USP48: variants seen among roughly 807,000 people sequenced by gnomAD.
The protein encoded by USP48 is ubiquitin specific peptidase 48.
USP48 carries 43 observed loss-of-function variants against 150.7 expected under a neutral mutation model. The observed-to-expected ratio is 0.29, with a 90% CI of 0.22 to 0.37. The LOEUF (loss-of-function observed/expected upper bound fraction) is 0.37. Among genes scored for constraint, USP48 ranks in the 10% least tolerant of loss-of-function variants. The pLI is 1.00. For missense variants in USP48, 813 were observed against 1,249.6 expected (o/e 0.65, Z 5.27); for synonymous variants, 396 against 425.9 (o/e 0.93, Z 0.86).
chr1:21,762,964 TG>T (rs1288346032), intron 1 of USP48, among the ~76,000 whole-genome samples: 1 of 151,922 alleles, frequency 6.6e-6, no homozygotes, highest in Non-Finnish European at 1.5e-5. Flanking sequence ...ATAGTTCCAC[TG>T]GATCTGTTTA....
In USP48 at chr1:21,696,444, GAGA is replaced by G. The variant is rs960104292; in HGVS notation, c.2728-1226_2728-1224del. Among the ~76,000 whole-genome samples, 6 of 152,260 alleles carry G rather than the reference GAGA, an allele frequency of 3.9e-5. No individual in the cohort carries two copies. In the South Asian group the frequency reaches 1.0e-3, roughly 26 times the overall value. ...CAAGAGCGAAACTCTGTCTCAAAAA[GAGA>G]AGAAGAAGGGAAAGAAAGCGGGTGC... On this transcript the variant is annotated intron_variant, in intron 22 of 26. Transcript: ENST00000308271.
In USP48 at chr1:21,733,182, G is replaced by A. The variant is rs548249101; in HGVS notation, c.1171+3264C>T. On this transcript the variant is annotated intron_variant, in intron 9 of 26. Coordinates refer to ENST00000308271, the MANE Select transcript of USP48 (RefSeq NM_032236.8). ...TGTAATCCTAGCACTTTGGGAGGCC[G>A]AGGCAGGCGGATCACTTGAGGTCAG... Among the ~76,000 whole-genome samples, 141 of 152,152 alleles carry A rather than the reference G, an allele frequency of 9.3e-4. 1 individual carries two copies. The South Asian group carries it at 0.018, about 19-fold the overall frequency.
chr1:21,720,531 CTT>C (rs879555456), intron 14 of USP48, among the ~76,000 whole-genome samples: 3 of 140,522 alleles, frequency 2.1e-5, no homozygotes, highest in Non-Finnish European at 1.6e-5. Context: ...TTTTCTTTTT[CTT>C]TTTTTTTTTT....
chr1:21,773,856 G>A (rs1027090098), intron 1 of USP48, among the ~76,000 whole-genome samples: 18 of 152,084 alleles, frequency 1.2e-4, no homozygotes, highest in African/African-American at 3.9e-4. Context: ...TTATAATGAA[G>A]GTTAGGCACA....
chr1:21,760,614 T>C (rs2097847593), intron 1 of USP48, among the ~76,000 whole-genome samples: 1 of 151,942 alleles, frequency 6.6e-6, no homozygotes, highest in Non-Finnish European at 1.5e-5. Context: ...CCCAGGAGGC[T>C]GAGGCAGGAG....
rs1571644727 is a variant in USP48, at chr1:21,678,504, G to A, written c.*913C>T. 1.3e-5 allele frequency: 2 copies of A among 152,068 alleles called. No individual in the cohort carries two copies. The highest frequency in any genetic ancestry group is 1.3e-4 in the Admixed American group (2 of 15,268). 9.4% of individuals were successfully genotyped at this position (152,068 alleles called of 1,614,324 possible). ...TAATGCTTTCAAAAAGAGAACTGAG[G>A]TCCAAGAAACAGTGACATGGAGGAC... On this transcript the variant is annotated 3_prime_UTR_variant, in exon 27 of 27. Transcript: ENST00000308271.
At chr1:21,683,306 C>G (rs561207725) in intron 25 of USP48, among the ~76,000 whole-genome samples, 2 of 152,218 alleles carry the variant, frequency 1.3e-5, no homozygotes, top group East Asian at 1.9e-4. Flanking sequence ...TTATGGGGAA[C>G]AGCTTATATT....
intron 22 of USP48, among the ~76,000 whole-genome samples, chr1:21,696,386 C>T (rs534543783): frequency 7.2e-5 from 11 of 152,248 alleles, no homozygotes; most frequent in African/African-American, 1.2e-4. Flanking sequence ...TGCGGTGAGC[C>T]GAGATTGCGC....
chr1:21,753,051 G>A lies in USP48; in HGVS notation c.481C>T (p.Arg161Ter), dbSNP rs747372952. ...LFALLQNSNR[R>*]YIDPSGFVKA... ...ACAAATCCTGATGGATCAATGTATCGCCTATTACTGTTTTGCAACAAGGCA... is the reference window on the plus strand; with the variant it reads ...ACAAATCCTGATGGATCAATGTATCACCTATTACTGTTTTGCAACAAGGCA... The change falls in exon 4 of 27, where the codon CGA becomes TGA. Residue 161 changes from arginine to a stop codon, truncating the protein, a stop_gained. Coordinates refer to ENST00000308271, the MANE Select transcript of USP48 (RefSeq NM_032236.8). LOFTEE classifies it high-confidence loss of function. 2 of 1,612,808 alleles carry A rather than the reference G, an allele frequency of 1.2e-6. No homozygotes were observed. Among genetic ancestry groups the A allele is most frequent in the Non-Finnish European group, 1.7e-6 (2 of 1,179,706 alleles).
chr1:21,729,903 A>G, intron 9 of USP48, 71 bp from the exon 10 acceptor site: 1 of 1,596,882 alleles, frequency 6.3e-7, no homozygotes, highest in Non-Finnish European at 8.5e-7. Context: ...GCGGGGCTAT[A>G]GAAAACAATT....
intron 8 of USP48, among the ~76,000 whole-genome samples, chr1:21,738,455 C>A (rs2097773657): frequency 6.6e-6 from 1 of 150,808 alleles, no homozygotes; most frequent in Non-Finnish European, 1.5e-5. Context: ...CCCCTGGGGT[C>A]ATGCGATTCT....
Position 21,679,260 on chromosome 1 carries a change from TA to T in USP48, c.*156del. ...TCAGTGCAATCTGCTTTATTTGACA[TA>T]AGGCATTTGGGACAGTCACGTTTGA... On this transcript the variant is annotated 3_prime_UTR_variant, in exon 27 of 27. Coordinates refer to ENST00000308271, the MANE Select transcript of USP48 (RefSeq NM_032236.8). 1 of 679,590 alleles carries T rather than the reference TA, an allele frequency of 1.5e-6. No homozygotes were observed. Among genetic ancestry groups the T allele is most frequent in the Non-Finnish European group, 2.4e-6 (1 of 411,308 alleles). 42.1% of individuals were successfully genotyped at this position (679,590 alleles called of 1,614,324 possible). A position where few individuals can be genotyped will look rare whatever the true frequency, so the allele number is the denominator to read the frequency against.
chr1:21,732,822 A>G (rs1482685867), intron 9 of USP48: 1 of 157,870 alleles, frequency 6.3e-6, no homozygotes, highest in East Asian at 1.9e-4. Context: ...TATTTAATAT[A>G]ATCTGGACAT....
chr1:21,706,010 T>G, intron 18 of USP48, 116 bp downstream of exon 18: 1 of 1,216,958 alleles, frequency 8.2e-7, no homozygotes, highest in East Asian at 2.4e-5. Flanking sequence ...CAGTGTATGC[T>G]GGTGAAAGTA....
chr1:21,695,249 G>A (rs748158470), intron 22 of USP48, 28 bp from the exon 23 acceptor site: 4 of 1,570,802 alleles, frequency 2.5e-6, no homozygotes, highest in Non-Finnish European at 3.4e-6. Flanking sequence ...AATGAAGAAA[G>A]CACTGAAATT....
chr1:21,717,184 ACATGAGC>A (rs2152537773), intron 14 of USP48, among the ~76,000 whole-genome samples: 1 of 152,234 alleles, frequency 6.6e-6, no homozygotes, highest in East Asian at 1.9e-4. Flanking sequence ...CAGGCAGATC[ACATGAGC>A]CCAGGAGTTC....
At chr1:21,687,842 T>G (rs774214439) in intron 24 of USP48, among the ~76,000 whole-genome samples, 1 of 152,160 alleles carries the variant, frequency 6.6e-6, no homozygotes, top group Admixed American at 6.5e-5. Flanking sequence ...GACAGGATCA[T>G]TAGGATCTAG....
intron 1 of USP48, among the ~76,000 whole-genome samples, chr1:21,772,237 C>T (rs2097882920): frequency 6.6e-6 from 1 of 151,908 alleles, no homozygotes; most frequent in Non-Finnish European, 1.5e-5. Context: ...TAAATTTTAC[C>T]ACATAAAAAA....
In USP48 at chr1:21,679,288, T is replaced by C. The variant is rs774137482; in HGVS notation, c.*129A>G. ...GGCATTTGGGACAGTCACGTTTGAA[T>C]GGATTTCTGCCTTTTGGAAGGGGCA... On this transcript the variant is annotated 3_prime_UTR_variant, in exon 27 of 27. Coordinates refer to ENST00000308271, the MANE Select transcript of USP48 (RefSeq NM_032236.8). 5.2e-6 allele frequency: 6 copies of C among 1,151,068 alleles called. No homozygotes were observed. Among genetic ancestry groups the C allele is most frequent in the Non-Finnish European group, 6.5e-6 (5 of 772,826 alleles). 71.3% of individuals were successfully genotyped at this position (1,151,068 alleles called of 1,614,324 possible). A position where few individuals can be genotyped will look rare whatever the true frequency, so the allele number is the denominator to read the frequency against.
Sources: gnomAD v4.1 joint callset for allele counts (sites outside exome capture counted in the v4.1 genomes callset) on GRCh38, gnomAD v4.1.1 for gene constraint, MANE v1.5 for transcripts, NCBI Gene and HGNC (gene_info 2026-07-23, HGNC 2026-07-21) for gene names.